The following GRK4 variants were observed in gnomAD, a reference collection of about 807,000 sequenced individuals.
GRK4 encodes the protein G protein-coupled receptor kinase 2-like.
Under a neutral mutation model 77.9 loss-of-function variants are expected in GRK4, and 73 were observed. The ratio of observed to expected loss-of-function variants is 0.94; its 90% CI spans 0.78 to 1.14. GRK4 has a LOEUF of 1.14. Among genes scored for constraint, GRK4 ranks in the 50% most tolerant of loss-of-function variants. GRK4 has a pLI of 0.00. For synonymous variants in GRK4, 257 were observed against 254.4 expected (o/e 1.01, Z -0.10); for missense variants, 729 against 700.2 (o/e 1.04, Z -0.46).
chr4:3,035,869 A>G (rs1484036262), intron 13 of GRK4, among the ~76,000 whole-genome samples: 3 of 151,774 alleles, frequency 2.0e-5, no homozygotes, highest in African/African-American at 7.3e-5. Context: ...TTGGCCACTC[A>G]CTGGGCCCCT....
rs34857805 is a variant in GRK4, at chr4:3,004,237, G to A, written c.346G>A (p.Ala116Thr). The change falls in exon 5 of 16, where the codon GCC (alanine) becomes ACC (threonine). Residue 116 changes from alanine to threonine, a missense_variant. Physicochemically the swap from Ala to Thr is moderately conservative, Grantham distance 58 (BLOSUM62 0). Coordinates refer to ENST00000398052, the MANE Select transcript of GRK4 (RefSeq NM_182982.3). ...LDRFFNDKLA[A>T]PLPEIPPDVV... ...TGGTTTGTACTGTATTAAGTTGGCA[G>A]CCCCTTTACCAGAAATACCTCCAGA... 0.024 allele frequency: 39,158 copies of A among 1,609,256 alleles called. 591 individuals are homozygous for A. The highest frequency in any genetic ancestry group is 0.035 in the African/African-American group (2,655 of 74,910).
intron 10 of GRK4, among the ~76,000 whole-genome samples, chr4:3,024,860 A>AAAAC (rs996495741): frequency 8.5e-5 from 13 of 152,276 alleles, no homozygotes; most frequent in South Asian, 4.1e-4. Flanking sequence ...TCCGTCTCAA[A>AAAAC]AAACAAACAA....
At chr4:2,996,486 C>T (rs1281666815) in intron 4 of GRK4, among the ~76,000 whole-genome samples, 1 of 151,936 alleles carries the variant, frequency 6.6e-6, no homozygotes, top group Non-Finnish European at 1.5e-5. Context: ...ATCCAGGAGA[C>T]AAAGTTTGCA....
chr4:3,036,050 G>A (rs1404814960), intron 13 of GRK4, among the ~76,000 whole-genome samples: 1 of 152,184 alleles, frequency 6.6e-6, no homozygotes, highest in Non-Finnish European at 1.5e-5. Context: ...TGAACTCCTG[G>A]CCCCAAGTGA....
In GRK4 at chr4:2,963,882, C is replaced by G. The variant is rs1716471973; in HGVS notation, c.-189C>G. On this transcript the variant is annotated 5_prime_UTR_variant, in exon 1 of 16. Coordinates refer to ENST00000398052, the MANE Select transcript of GRK4 (RefSeq NM_182982.3). Reference sequence around the variant, plus strand: ...CCGCTCCCCTGCTGGTGAGGGCCTGCGGAGGCGGCGGCGGCGGCGCCCTTG... The same window carrying G: ...CCGCTCCCCTGCTGGTGAGGGCCTGGGGAGGCGGCGGCGGCGGCGCCCTTG... 1.5e-6 allele frequency: 1 copy of G among 656,136 alleles called. No individual in the cohort carries two copies. The highest frequency in any genetic ancestry group is 2.8e-5 in the East Asian group (1 of 35,214). 40.6% of individuals were successfully genotyped at this position (656,136 alleles called of 1,614,324 possible).
intron 1 of GRK4, among the ~76,000 whole-genome samples, chr4:2,983,687 C>A (rs1723460299): frequency 6.6e-6 from 1 of 152,008 alleles, no homozygotes; most frequent in Non-Finnish European, 1.5e-5. Flanking sequence ...GCATTTTTTT[C>A]TTATCTCTTA....
intron 3 of GRK4, among the ~76,000 whole-genome samples, chr4:2,990,653 A>G (rs1294867833): frequency 2.0e-5 from 3 of 152,140 alleles, no homozygotes; most frequent in Non-Finnish European, 4.4e-5. Flanking sequence ...GTAGTGGGTA[A>G]TGTTTGCCAA....
rs1716723103 is a variant in GRK4 at position 2,964,253 on chromosome 4, C to G, written c.52+131C>G. 4.9e-6 allele frequency: 4 copies of G among 813,260 alleles called. No homozygotes were observed. In the South Asian group the frequency reaches 6.5e-5, roughly 13 times the overall value. The allele number at this position is 813,260 out of a possible 1,614,324, so 50.4% of individuals were successfully genotyped here. On this transcript the variant is annotated intron_variant, in intron 1 of 15. Coordinates refer to ENST00000398052, the MANE Select transcript of GRK4 (RefSeq NM_182982.3). ...CCCTGGAGAGCCCCGACACCTCCCA[C>G]TGGGGGAACCCAGATCTGCACGGAG... is the stretch of plus-strand genomic sequence containing the variant.
chr4:2,990,743 T>C (rs1725914298), intron 3 of GRK4, among the ~76,000 whole-genome samples: 1 of 152,234 alleles, frequency 6.6e-6, no homozygotes, highest in Non-Finnish European at 1.5e-5. Flanking sequence ...GAAACTCTGT[T>C]TTAGGTTTCA....
chr4:2,984,679 T>C (rs1723761935), intron 2 of GRK4, 71 bp downstream of exon 2: 1 of 692,252 alleles, frequency 1.4e-6, no homozygotes. Flanking sequence ...ATGTTATTCT[T>C]TCTTGAGTTC....
At chr4:3,018,227 G>A (rs564586892) in intron 8 of GRK4, among the ~76,000 whole-genome samples, 4 of 152,020 alleles carry the variant, frequency 2.6e-5, no homozygotes, top group East Asian at 3.9e-4. Flanking sequence ...CATTATTTTC[G>A]AACAACATCA....
rs144386259 is a variant in GRK4 at position 3,004,928 on chromosome 4, T to C, written c.443+594T>C. Among the ~76,000 whole-genome samples the C allele has an allele frequency of 1.1e-3, 161 of 152,096 alleles. 1 individual carries two copies. The highest frequency in any genetic ancestry group is 3.5e-3 in the Admixed American group (54 of 15,270). On this transcript the variant is annotated intron_variant, in intron 5 of 15. Coordinates refer to ENST00000398052, the MANE Select transcript of GRK4 (RefSeq NM_182982.3). ...ATTACTTCCTCTAGAAAGAGGTGAA[T>C]GAAGAGTAATAATTCCATGTACACA... is the stretch of plus-strand genomic sequence containing the variant.
chr4:3,001,715 G>A (rs1175699499), intron 4 of GRK4, among the ~76,000 whole-genome samples: 1 of 152,026 alleles, frequency 6.6e-6, no homozygotes, highest in Non-Finnish European at 1.5e-5. Context: ...AATTTAAATG[G>A]CAGCTACTAA....
chr4:2,980,895 G>A (rs1722689908), intron 1 of GRK4, among the ~76,000 whole-genome samples: 1 of 152,250 alleles, frequency 6.6e-6, no homozygotes, highest in Non-Finnish European at 1.5e-5. Flanking sequence ...CAGATCCCAT[G>A]CCTGCCAAGG....
At position 2,963,780 on chromosome 4, in the gene GRK4, A is replaced by G. The variant is rs1482363619; in HGVS notation, c.-291A>G. ...GCGAGGCGAGGGCGATGGGGCCAAG[A>G]AGAACCGGGGCGATAGCGCGGCAGC... On this transcript the variant is annotated 5_prime_UTR_variant, in exon 1 of 16. Transcript: ENST00000398052. 1 of 499,402 alleles carries G rather than the reference A, an allele frequency of 2.0e-6. No individual in the cohort carries two copies. Among genetic ancestry groups the G allele is most frequent in the Non-Finnish European group, 3.5e-6 (1 of 284,530 alleles). The allele number at this position is 499,402 out of a possible 1,614,324, so 30.9% of individuals were successfully genotyped here. A position where few individuals can be genotyped will look rare whatever the true frequency, so the allele number is the denominator to read the frequency against.
chr4:3,009,659 C>T lies in GRK4; in HGVS notation c.548C>T (p.Thr183Ile). ...TTCTCATTGATTAGGCAACCCGTAA[C>T]AAAGAACACATTTAGACATTACAGA... Reference protein sequence around the residue: ...QWKWLERQPVTKNTFRHYRVL... With the variant: ...QWKWLERQPVIKNTFRHYRVL... The change falls in exon 7 of 16, where the codon ACA (threonine) becomes ATA (isoleucine). Residue 183 changes from threonine (T) to isoleucine (I), a missense_variant. Transcript: ENST00000398052. 2 of 1,613,396 alleles carry T rather than the reference C, an allele frequency of 1.2e-6. No individual in the cohort carries two copies. Among genetic ancestry groups the T allele is most frequent in the Non-Finnish European group, 8.5e-7 (1 of 1,179,518 alleles).
intron 4 of GRK4, among the ~76,000 whole-genome samples, chr4:3,000,718 T>C (rs772794827): frequency 6.6e-6 from 1 of 151,852 alleles, no homozygotes; most frequent in African/African-American, 2.4e-5. Flanking sequence ...GCACGTGCCA[T>C]TATGCCCAGC....
rs1320332458 is a variant in GRK4, at chr4:3,005,528, C to T, written c.443+1194C>T. On this transcript the variant is annotated intron_variant, in intron 5 of 15. Transcript: ENST00000398052. ...CCTCTAAAATAACACACAGGCCGGGCGCGGTGGCTCACGCCGGTAATCCCA... is the reference window on the plus strand; with the variant it reads ...CCTCTAAAATAACACACAGGCCGGGTGCGGTGGCTCACGCCGGTAATCCCA... Among the ~76,000 whole-genome samples the T allele has an allele frequency of 2.0e-5, 3 of 152,072 alleles. No individual in the cohort carries two copies. The East Asian group carries it at 5.8e-4, about 29-fold the overall frequency.
chr4:3,027,463 A>G (rs1182646328), intron 10 of GRK4, among the ~76,000 whole-genome samples: 1 of 152,174 alleles, frequency 6.6e-6, no homozygotes, highest in Non-Finnish European at 1.5e-5. Flanking sequence ...CCCTGACTCT[A>G]TTACCATTTG....
Sources: gnomAD v4.1 joint callset for allele counts (sites outside exome capture counted in the v4.1 genomes callset) on GRCh38, gnomAD v4.1.1 for gene constraint, MANE v1.5 for transcripts, NCBI Gene and HGNC (gene_info 2026-07-23, HGNC 2026-07-21) for gene names.